CLYBL: variants seen among roughly 807,000 people sequenced by gnomAD.
CLYBL encodes citramalyl-CoA lyase, also known as citramalyl-CoA lyase, mitochondrial.
CLYBL carries 31 observed loss-of-function variants against 38.9 expected under a neutral mutation model. The observed-to-expected ratio is 0.80, with a 90% CI of 0.60 to 1.08. CLYBL has a LOEUF of 1.08. CLYBL is among the 50% of genes least tolerant of loss of function. The pLI is 0.00. For missense variants in CLYBL, 434 were observed against 411.6 expected (o/e 1.05, Z -0.47); for synonymous variants, 171 against 158.6 (o/e 1.08, Z -0.59).
chr13:99,841,040 A>G (rs1372907213), intron 2 of CLYBL, among the ~76,000 whole-genome samples: 1 of 152,188 alleles, frequency 6.6e-6, no homozygotes, highest in East Asian at 1.9e-4. Context: ...TGCAATGAGT[A>G]AAGGACCATC....
intron 2 of CLYBL, among the ~76,000 whole-genome samples, chr13:99,839,580 G>C (rs1005887746): frequency 2.0e-5 from 3 of 151,548 alleles, no homozygotes; most frequent in East Asian, 4.0e-4. Context: ...AGGAAATAAT[G>C]CTTCGTGTGT....
intron 1 of CLYBL, chr13:99,690,655 C>A (rs190873970): frequency 6.6e-6 from 1 of 152,240 alleles, no homozygotes; most frequent in Admixed American, 6.5e-5. Context: ...TTTAGACAGA[C>A]CTTCCTGTCA....
intron 2 of CLYBL, among the ~76,000 whole-genome samples, chr13:99,811,957 C>T (rs1041492514): frequency 1.3e-5 from 2 of 152,106 alleles, no homozygotes; most frequent in Non-Finnish European, 2.9e-5. Flanking sequence ...TTAATGCCTC[C>T]CATATGAAGA....
Position 99,863,025 on chromosome 13 carries a change from G to A in CLYBL, c.473G>A (p.Arg158Gln), listed in dbSNP as rs750141404. 20 of 1,610,644 alleles carry A rather than the reference G, an allele frequency of 1.2e-5. No individual in the cohort carries two copies. The highest frequency in any genetic ancestry group is 1.6e-4 in the Middle Eastern group (1 of 6,072). The change falls in exon 4 of 9, where the codon CGA becomes CAA. Residue 158 changes from arginine (R) to glutamine (Q), a missense_variant. By Grantham distance (43) the Arg-to-Gln change is conservative. Transcript: ENST00000339105. ...ADKFSFHLKG[R>Q]KLEQPMNLIP... ...AAATTTTCATTCCACTTAAAAGGCC[G>A]AAAACTTGAACAACCAATGAATTTA...
At chr13:99,895,796 G>T (rs1442224860), downstream of CLYBL, 1 of 152,284 alleles carries the variant, frequency 6.6e-6, no homozygotes, top group Non-Finnish European at 1.5e-5. Context: ...GGCGGCGGCG[G>T]CCACTCGAAC....
chr13:99,683,872 A>AT (rs951783647), intron 1 of CLYBL, among the ~76,000 whole-genome samples: 87 of 144,124 alleles, frequency 6.0e-4, no homozygotes, highest in South Asian at 1.5e-3. Flanking sequence ...TATATATAAA[A>AT]TTTTTTTTTT....
chr13:99,743,027 C>T (rs1344099379), intron 1 of CLYBL, among the ~76,000 whole-genome samples: 7 of 151,404 alleles, frequency 4.6e-5, no homozygotes, highest in Non-Finnish European at 7.4e-5. Context: ...TGTTTGGGTT[C>T]GGGTTTTTTT....
intron 7 of CLYBL, among the ~76,000 whole-genome samples, chr13:99,877,351 G>C (rs765657144): frequency 5.3e-5 from 8 of 151,984 alleles, no homozygotes; most frequent in Admixed American, 6.6e-5. Context: ...TCTAAGGATG[G>C]ATGGGTCTGT....
chr13:99,672,935 A>T (rs1453735931), intron 1 of CLYBL, among the ~76,000 whole-genome samples: 2 of 152,168 alleles, frequency 1.3e-5, no homozygotes, highest in African/African-American at 4.8e-5. Context: ...GCAGTCCTTC[A>T]TCCATGCGCC....
At chr13:99,799,260 A>G (rs2050080849) in intron 2 of CLYBL, among the ~76,000 whole-genome samples, 1 of 152,182 alleles carries the variant, frequency 6.6e-6, no homozygotes, top group African/African-American at 2.4e-5. Context: ...TTTAATTTTT[A>G]TAGTCCTATT....
At chr13:99,761,124 C>A (rs1228749144) in intron 1 of CLYBL, among the ~76,000 whole-genome samples, 2 of 152,164 alleles carry the variant, frequency 1.3e-5, no homozygotes, top group Admixed American at 6.5e-5. Context: ...GAGGCCGAGG[C>A]AGGCAGATCA....
At chr13:99,829,828 T>C (rs1770838489) in intron 2 of CLYBL, among the ~76,000 whole-genome samples, 1 of 152,146 alleles carries the variant, frequency 6.6e-6, no homozygotes, top group Non-Finnish European at 1.5e-5. Context: ...GTTTAATCAT[T>C]TACTCGCTTG....
intron 1 of CLYBL, 49 bp downstream of exon 1, chr13:99,606,806 G>T: frequency 1.5e-6 from 2 of 1,339,686 alleles, no homozygotes; most frequent in Non-Finnish European, 1.9e-6. Flanking sequence ...CTCGCCGCGG[G>T]TCGGCTCCTG....
intron 7 of CLYBL, among the ~76,000 whole-genome samples, chr13:99,883,647 G>A (rs1039244753): frequency 6.6e-6 from 1 of 152,150 alleles, no homozygotes; most frequent in East Asian, 1.9e-4. Flanking sequence ...CATAGACAGA[G>A]CCACAGAAAG....
intron 1 of CLYBL, among the ~76,000 whole-genome samples, chr13:99,704,580 C>T (rs2048117697): frequency 6.6e-6 from 1 of 152,182 alleles, no homozygotes; most frequent in Non-Finnish European, 1.5e-5. Context: ...TACACTATGA[C>T]CTGTGAACAG....
intron 2 of CLYBL, among the ~76,000 whole-genome samples, chr13:99,854,874 T>C (rs1269422835): frequency 6.6e-6 from 1 of 152,146 alleles, no homozygotes; most frequent in African/African-American, 2.4e-5. Context: ...AGTCACCTAA[T>C]ACGGTGGCTT....
chr13:99,857,136 G>A (rs1183978846), intron 2 of CLYBL, among the ~76,000 whole-genome samples: 1 of 151,734 alleles, frequency 6.6e-6, no homozygotes, highest in Non-Finnish European at 1.5e-5. Flanking sequence ...CCAACACAGT[G>A]AAACCCTGTC....
In CLYBL at chr13:99,618,268, T is replaced by A. The variant is rs574923810; in HGVS notation, c.62+11511T>A. Among the ~76,000 whole-genome samples the A allele has an allele frequency of 5.9e-5, 9 of 151,856 alleles. No homozygotes were observed. The East Asian group carries it at 1.7e-3, about 29-fold the overall frequency. On this transcript the variant is annotated intron_variant, in intron 1 of 8. Coordinates refer to ENST00000339105, the MANE Select transcript of CLYBL (RefSeq NM_206808.5). ...TGGTAAATTATACATAACAAAATTA[T>A]CATTTTAACTTTTTTTTTTTTGAGG...
intron 2 of CLYBL, among the ~76,000 whole-genome samples, chr13:99,854,885 A>G (rs562676889): frequency 6.6e-6 from 1 of 152,256 alleles, no homozygotes; most frequent in Non-Finnish European, 1.5e-5. Flanking sequence ...ACGGTGGCTT[A>G]TGGATAAGGA....
Sources: allele counts gnomAD v4.1 joint callset (sites outside exome capture counted in the v4.1 genomes callset), GRCh38; gene constraint gnomAD v4.1.1; transcripts MANE v1.5; gene names NCBI Gene and HGNC (gene_info 2026-07-23, HGNC 2026-07-21).